The following KIF26B variants were observed in gnomAD, a reference collection of about 807,000 sequenced individuals.
KIF26B encodes the protein kinesin family member 26B, also known as kinesin-like protein KIF26B.
A neutral mutation model predicts 151.2 loss-of-function variants in KIF26B; 63 were observed. The observed-to-expected ratio is 0.42, with a 90% CI of 0.34 to 0.51. The LOEUF (loss-of-function observed/expected upper bound fraction) is 0.51, where lower values mean the gene tolerates loss of function less well. Ranked by LOEUF, KIF26B falls within the 20% of genes least tolerant of loss-of-function variation. KIF26B has a pLI of 0.07. For missense variants in KIF26B, 2,813 were observed against 2,913.6 expected, an observed-to-expected ratio of 0.97 and a Z score of 0.79; for synonymous variants, 1,357 against 1,262.1, an observed-to-expected ratio of 1.08 and a Z score of -1.59.
intron 2 of KIF26B, among the ~76,000 whole-genome samples, chr1:245,288,427 G>A (rs913135867): frequency 3.3e-5 from 5 of 152,266 alleles, no homozygotes; most frequent in Admixed American, 2.6e-4. Context: ...AAATGCCTCC[G>A]GAACATACTT....
intron 2 of KIF26B, among the ~76,000 whole-genome samples, chr1:245,357,939 C>G (rs1672734594): frequency 6.6e-6 from 1 of 152,160 alleles, no homozygotes; most frequent in Non-Finnish European, 1.5e-5. Context: ...TGTGTTGAGA[C>G]ATGGTCTCGC....
chr1:245,572,647 T>C lies in KIF26B; in HGVS notation c.1351-29930T>C, dbSNP rs1186018415. Among the ~76,000 whole-genome samples, 2 of 152,212 alleles carry C rather than the reference T, an allele frequency of 1.3e-5. No individual in the cohort carries two copies. Among genetic ancestry groups the C allele is most frequent in the East Asian group, 3.8e-4 (2 of 5,200 alleles). ...TAAAAATGAAATATTCAGTTGCCTT[T>C]CCTAGAAGGAATCATCCCGATGATA... On this transcript the variant is annotated intron_variant, in intron 5 of 14. Transcript: ENST00000407071. The surrounding 1 kb of genome is among the most constrained non-coding windows in gnomAD (Gnocchi z 4.2).
intron 10 of KIF26B, among the ~76,000 whole-genome samples, chr1:245,649,641 A>AGAG (rs2043993199): frequency 6.6e-6 from 1 of 152,160 alleles, no homozygotes; most frequent in African/African-American, 2.4e-5. Flanking sequence ...CGGGGGGAAC[A>AGAG]AAAATAGAAA....
At position 245,587,074 on chromosome 1, in the gene KIF26B, C is replaced by G. The variant is rs78794191; in HGVS notation, c.1351-15503C>G. On this transcript the variant is annotated intron_variant, in intron 5 of 14. Coordinates refer to ENST00000407071, the MANE Select transcript of KIF26B (RefSeq NM_018012.4). ...CTGAGGCTCATAGAAGTACCTTGCC[C>G]CAAGCCCCATGGCTACTTGCAGGTT... 4.1e-3 allele frequency among the ~76,000 whole-genome samples: 617 copies of G among 152,296 alleles called. 1 individual carries two copies. The highest frequency in any genetic ancestry group is 0.014 in the African/African-American group (583 of 41,562).
At chr1:245,243,868 GA>G (rs1490673600) in intron 2 of KIF26B, among the ~76,000 whole-genome samples, 2 of 51,052 alleles carry the variant, frequency 3.9e-5, no homozygotes, top group Non-Finnish European at 7.8e-5. Context: ...TAAAAAAGAA[GA>G]AAAAGAAAGA....
intron 12 of KIF26B, among the ~76,000 whole-genome samples, chr1:245,695,163 G>A (rs1322665937): frequency 6.6e-6 from 1 of 152,204 alleles, no homozygotes; most frequent in African/African-American, 2.4e-5. Flanking sequence ...GCTGGAGCAT[G>A]CAGAAAATCT....
intron 4 of KIF26B, among the ~76,000 whole-genome samples, chr1:245,501,511 T>C (rs557464732): frequency 6.6e-6 from 1 of 152,220 alleles, no homozygotes; most frequent in Non-Finnish European, 1.5e-5. Context: ...GTGGAATAAA[T>C]ATCTTCTTTC....
At chr1:245,652,255 G>T (rs36052773) in intron 10 of KIF26B, among the ~76,000 whole-genome samples, 7 of 152,054 alleles carry the variant, frequency 4.6e-5, no homozygotes, top group African/African-American at 7.3e-5. Flanking sequence ...ACAAACTCTA[G>T]ATACCAGTTT....
chr1:245,169,177 C>G (rs1411929136), intron 2 of KIF26B, among the ~76,000 whole-genome samples: 3 of 152,136 alleles, frequency 2.0e-5, no homozygotes, highest in Non-Finnish European at 4.4e-5. Context: ...CTTACCAGGG[C>G]GTGAATGGAG....
At chr1:245,419,473 A>T (rs1658416237) in intron 3 of KIF26B, 106 bp from the exon 4 acceptor site, 1 of 1,037,068 alleles carries the variant, frequency 9.6e-7, no homozygotes, top group South Asian at 1.7e-5. Flanking sequence ...GTGGGATAGA[A>T]ACCTGTTCCC....
At chr1:245,650,528 C>T (rs558330907) in intron 10 of KIF26B, among the ~76,000 whole-genome samples, 228 of 152,374 alleles carry the variant, frequency 1.5e-3, no homozygotes, top group Non-Finnish European at 2.1e-3. Context: ...ACCCAATTAT[C>T]TCAAAATAGA....
In KIF26B at chr1:245,667,657, T is replaced by C. The variant is rs114053096; in HGVS notation, c.2259-16576T>C. On this transcript the variant is annotated intron_variant, in intron 10 of 14. Transcript: ENST00000407071. This position sits in a 1 kb window ranked among gnomAD's most constrained non-coding sequence, Gnocchi z 4.3. The stretch of plus-strand genomic sequence containing the variant: ...CGGACACTGTGTTAGGTCCTGGCTA[T>C]ACAGGAAGAAGAGAAGTGGCATCTG... Among the ~76,000 whole-genome samples the C allele has an allele frequency of 2.7e-3, 418 of 152,302 alleles. 4 individuals are homozygous for C. The highest frequency in any genetic ancestry group is 9.6e-3 in the African/African-American group (398 of 41,562).
chr1:245,434,112 C>G (rs1658846248), intron 4 of KIF26B, among the ~76,000 whole-genome samples: 1 of 152,066 alleles, frequency 6.6e-6, no homozygotes, highest in South Asian at 2.1e-4. Flanking sequence ...TCATAGTCAT[C>G]TCTTCAGTGC....
At chr1:245,402,180 G>A (rs1674018948) in intron 3 of KIF26B, among the ~76,000 whole-genome samples, 1 of 152,200 alleles carries the variant, frequency 6.6e-6, no homozygotes. Context: ...TTCTGAAAAG[G>A]CTTGCATAGC....
At chr1:245,298,468 AAGT>A (rs1425720971) in intron 2 of KIF26B, among the ~76,000 whole-genome samples, 2 of 152,202 alleles carry the variant, frequency 1.3e-5, no homozygotes, top group African/African-American at 4.8e-5. Context: ...TAGAGAAAGA[AAGT>A]AGAATAGAGG....
At chr1:245,235,679 A>G (rs1409870176) in intron 2 of KIF26B, among the ~76,000 whole-genome samples, 1 of 151,692 alleles carries the variant, frequency 6.6e-6, no homozygotes, top group Non-Finnish European at 1.5e-5. Context: ...GAAAGGAGGG[A>G]GGGAGGAAGG....
chr1:245,383,061 A>C (rs1039836918), intron 3 of KIF26B, among the ~76,000 whole-genome samples: 1 of 150,940 alleles, frequency 6.6e-6, no homozygotes, highest in Admixed American at 6.6e-5. Flanking sequence ...ATACAGAGAG[A>C]GAGAGAGAGA....
chr1:245,569,083 C>T (rs2103121483), intron 5 of KIF26B, among the ~76,000 whole-genome samples: 1 of 152,242 alleles, frequency 6.6e-6, no homozygotes. Flanking sequence ...AAGAATATTC[C>T]TTGTCGTCAA....
At chr1:245,382,000 T>C (rs1024613638) in intron 3 of KIF26B, among the ~76,000 whole-genome samples, 1 of 152,224 alleles carries the variant, frequency 6.6e-6, no homozygotes, top group Non-Finnish European at 1.5e-5. Context: ...CTTCCATCTC[T>C]TGGTTCTTGT....
Sources: allele counts gnomAD v4.1 joint callset (sites outside exome capture counted in the v4.1 genomes callset), GRCh38; gene constraint gnomAD v4.1.1; non-coding constraint Gnocchi (gnomAD v3.1); transcripts MANE v1.5; gene names NCBI Gene and HGNC (gene_info 2026-07-23, HGNC 2026-07-21).